CELF4: variants seen among roughly 807,000 people sequenced by gnomAD.
CELF4 encodes the protein CUG-BP- and ETR-3-like factor 4.
In CELF4, 18 loss-of-function variants were observed where a neutral mutation model predicts 59.9. The observed-to-expected ratio is 0.30, with a 90% CI of 0.21 to 0.45. CELF4 has a LOEUF of 0.45. Ranked by LOEUF, CELF4 falls within the 20% of genes least tolerant of loss-of-function variation. The probability of loss-of-function intolerance (pLI) is 1.00; values close to 1 mark genes in which losing one functional copy is unlikely to be tolerated. For synonymous variants in CELF4, 261 were observed against 267.1 expected, an observed-to-expected ratio of 0.98 and a Z score of 0.22; for missense variants, 456 against 689.0, an observed-to-expected ratio of 0.66 and a Z score of 3.79.
At chr18:37,306,078 C>T (rs530517901) in intron 3 of CELF4, 5 of 152,354 alleles carry the variant, frequency 3.3e-5, no homozygotes, top group South Asian at 2.1e-4. Flanking sequence ...CATCAAAGCT[C>T]GCACAGGCCT....
chr18:37,380,924 T>C (rs1255896128), intron 2 of CELF4, among the ~76,000 whole-genome samples: 2 of 148,370 alleles, frequency 1.3e-5, no homozygotes, highest in Non-Finnish European at 3.0e-5. Context: ...ATTCCTCCAT[T>C]CATCCATGAA....
At position 37,274,297 on chromosome 18, in the gene CELF4, G is replaced by A. The variant is rs763911803; in HGVS notation, c.801+14C>T. On this transcript the variant is annotated intron_variant, in intron 6 of 12. Transcript: ENST00000420428. ...TGAGCTTGAGAACCGCTGCCCGTGC[G>A]CGCTGCCACTTACTGCCTGAGCGTA... 3 of 1,608,836 alleles carry A rather than the reference G, an allele frequency of 1.9e-6. No individual in the cohort carries two copies. Among genetic ancestry groups the A allele is most frequent in the South Asian group, 1.1e-5 (1 of 90,612 alleles).
intron 3 of CELF4, among the ~76,000 whole-genome samples, chr18:37,309,591 G>A (rs955839991): frequency 1.2e-4 from 19 of 152,084 alleles, no homozygotes; most frequent in Non-Finnish European, 7.3e-5. Flanking sequence ...ATGGGAGAAC[G>A]AACTAGAGAA....
At chr18:37,461,012 T>C (rs1603641760) in intron 2 of CELF4, among the ~76,000 whole-genome samples, 1 of 152,206 alleles carries the variant, frequency 6.6e-6, no homozygotes, top group African/African-American at 2.4e-5. Context: ...CTAGTGTGGG[T>C]GGCCAAGAGT....
intron 2 of CELF4, among the ~76,000 whole-genome samples, chr18:37,465,183 AT>A (rs887463307): frequency 6.6e-6 from 1 of 152,092 alleles, no homozygotes; most frequent in African/African-American, 2.4e-5. Flanking sequence ...CTTATTATAT[AT>A]TATTTATTTA....
At chr18:37,502,581 G>A (rs1417490249) in intron 1 of CELF4, among the ~76,000 whole-genome samples, 1 of 152,206 alleles carries the variant, frequency 6.6e-6, no homozygotes, top group Non-Finnish European at 1.5e-5. Context: ...TCTGCTTTTG[G>A]TGGCCTGAGT....
chr18:37,470,244 T>C (rs956764669), intron 2 of CELF4, among the ~76,000 whole-genome samples: 5 of 152,122 alleles, frequency 3.3e-5, no homozygotes, highest in Non-Finnish European at 7.4e-5. Flanking sequence ...CAGGAATATG[T>C]TGTCAACCTA....
chr18:37,505,139 G>A (rs1367259056), intron 1 of CELF4, among the ~76,000 whole-genome samples: 2 of 152,192 alleles, frequency 1.3e-5, no homozygotes, highest in African/African-American at 4.8e-5. Flanking sequence ...GGGGCAGGGG[G>A]CAACTGTCCC....
At chr18:37,416,555 A>G (rs2099530359) in intron 2 of CELF4, among the ~76,000 whole-genome samples, 1 of 152,196 alleles carries the variant, frequency 6.6e-6, no homozygotes, top group Non-Finnish European at 1.5e-5. Context: ...CTGGAGCCCC[A>G]CCACAGACAT....
intron 1 of CELF4, among the ~76,000 whole-genome samples, chr18:37,525,850 C>T (rs538317476): frequency 7.2e-5 from 11 of 152,166 alleles, no homozygotes; most frequent in Non-Finnish European, 1.0e-4. Flanking sequence ...TTCACAGTCT[C>T]ATAGAGGAAT....
chr18:37,262,778 A>G (rs1167548690), intron 10 of CELF4, among the ~76,000 whole-genome samples: 1 of 152,100 alleles, frequency 6.6e-6, no homozygotes, highest in Non-Finnish European at 1.5e-5. Flanking sequence ...CTTACTGATG[A>G]AGGCTTGGAC....
rs1557404633 is a variant in CELF4 at position 37,390,802 on chromosome 18, CG to C, written c.370-68922del. On this transcript the variant is annotated intron_variant, in intron 2 of 12. Coordinates refer to ENST00000420428, the MANE Select transcript of CELF4 (RefSeq NM_020180.4). ...GGGAAGGCTGGTGGTGGTGATGGGG[CG>C]GGGAGGGGGGGCAGTGCTGCTGGCC... 1.4e-4 allele frequency among the ~76,000 whole-genome samples: 8 copies of C among 57,842 alleles called. 1 individual carries two copies. Among genetic ancestry groups the C allele is most frequent in the African/African-American group, 5.4e-4 (6 of 11,124 alleles). 37.9% of individuals were successfully genotyped at this position (57,842 alleles called of 152,430 possible).
At chr18:37,329,296 C>T (rs988613166) in intron 2 of CELF4, among the ~76,000 whole-genome samples, 1 of 152,202 alleles carries the variant, frequency 6.6e-6, no homozygotes, top group Non-Finnish European at 1.5e-5. Context: ...CCCCTGGAGT[C>T]CCACCTGCAA....
In CELF4 at chr18:37,432,611, T is replaced by A. The variant is rs557508109; in HGVS notation, c.369+52914A>T. Among the ~76,000 whole-genome samples the A allele has an allele frequency of 2.6e-5, 4 of 152,290 alleles. No homozygotes were observed. The East Asian group carries it at 7.7e-4, about 29-fold the overall frequency. Reference sequence around the variant, plus strand: ...GAAAGATGCGCAGGAGAATACAACATATTCTCACTCATGTGGTTTGGCAAA... The same window carrying A: ...GAAAGATGCGCAGGAGAATACAACAAATTCTCACTCATGTGGTTTGGCAAA... On this transcript the variant is annotated intron_variant, in intron 2 of 12. Coordinates refer to ENST00000420428, the MANE Select transcript of CELF4 (RefSeq NM_020180.4).
At chr18:37,332,832 C>T (rs1302251909) in intron 2 of CELF4, among the ~76,000 whole-genome samples, 1 of 152,246 alleles carries the variant, frequency 6.6e-6, no homozygotes, top group African/African-American at 2.4e-5. Flanking sequence ...GCCCCCACCT[C>T]TCAGCCAGAG....
chr18:37,418,583 G>A (rs2154593363), intron 2 of CELF4, among the ~76,000 whole-genome samples: 1 of 152,374 alleles, frequency 6.6e-6, no homozygotes, highest in East Asian at 1.9e-4. Context: ...GACCCAGAAT[G>A]TTTGGGTTCT....
intron 1 of CELF4, among the ~76,000 whole-genome samples, chr18:37,549,677 T>G (rs1603643940): frequency 6.6e-6 from 1 of 152,228 alleles, no homozygotes; most frequent in Admixed American, 6.5e-5. Flanking sequence ...TATAAGAAAG[T>G]ATTTTACAGA....
At chr18:37,273,446 AGT>A in intron 6 of CELF4, 4 of 1,163,518 alleles carry the variant, frequency 3.4e-6, no homozygotes, top group South Asian at 6.3e-5. Flanking sequence ...TGTGGGTGCT[AGT>A]CAGCCCTGTG....
intron 2 of CELF4, among the ~76,000 whole-genome samples, chr18:37,447,494 C>T (rs1400415145): frequency 7.2e-5 from 11 of 152,208 alleles, no homozygotes; most frequent in African/African-American, 1.7e-4. Flanking sequence ...CCCATTGACC[C>T]GAACTGGGCC....
Sources: gnomAD v4.1 joint callset for allele counts (sites outside exome capture counted in the v4.1 genomes callset) on GRCh38, gnomAD v4.1.1 for gene constraint, MANE v1.5 for transcripts, NCBI Gene and HGNC (gene_info 2026-07-23, HGNC 2026-07-21) for gene names.